The following GAP43 variants were observed in gnomAD, a reference collection of about 807,000 sequenced individuals.
The protein encoded by GAP43 is growth associated protein 43, also known as neuromodulin.
GAP43 carries 6 observed loss-of-function variants against 18.6 expected under a neutral mutation model. That is an observed-to-expected ratio of 0.32 (90% CI 0.18 to 0.64). The LOEUF is 0.64. Among genes scored for constraint, GAP43 ranks in the 30% least tolerant of loss-of-function variants. The pLI is 0.78. For synonymous variants in GAP43, 115 were observed against 111.4 expected, an observed-to-expected ratio of 1.03 and a Z score of -0.20; for missense variants, 292 against 295.5, an observed-to-expected ratio of 0.99 and a Z score of 0.09.
At chr3:115,714,941 C>T (rs1190283184) in intron 2 of GAP43, among the ~76,000 whole-genome samples, 1 of 151,940 alleles carries the variant, frequency 6.6e-6, no homozygotes, top group Admixed American at 6.6e-5. Flanking sequence ...ATACCATAAA[C>T]TAGGTGGCTT....
intron 2 of GAP43, among the ~76,000 whole-genome samples, chr3:115,690,629 T>A (rs1211932028): frequency 6.6e-6 from 1 of 151,944 alleles, no homozygotes. Flanking sequence ...ATAGAGTAGG[T>A]CCTCAATTAT....
intron 2 of GAP43, among the ~76,000 whole-genome samples, chr3:115,678,656 G>T (rs1409206056): frequency 6.6e-6 from 1 of 151,942 alleles, no homozygotes. Flanking sequence ...AAATGTGTCT[G>T]GTCAGTGAAA....
intron 2 of GAP43, among the ~76,000 whole-genome samples, chr3:115,702,526 T>A (rs1241629565): frequency 6.6e-6 from 1 of 152,098 alleles, no homozygotes; most frequent in Non-Finnish European, 1.5e-5. Flanking sequence ...TAAGAAGGTG[T>A]CAAAGCCAAA....
intron 1 of GAP43, among the ~76,000 whole-genome samples, chr3:115,653,669 T>A (rs1708548121): frequency 6.6e-6 from 1 of 152,142 alleles, no homozygotes; most frequent in Non-Finnish European, 1.5e-5. Context: ...TTCAAATCCC[T>A]CGTTCAGAGA....
In GAP43 at chr3:115,685,376, T is replaced by A. The variant is rs183767638; in HGVS notation, c.628+8766T>A. Among the ~76,000 whole-genome samples the A allele has an allele frequency of 4.5e-4, 69 of 152,326 alleles. No individual in the cohort carries two copies. In the South Asian group the frequency reaches 5.4e-3, roughly 12 times the overall value. ...GGGAAGAAATGATTTGCCAGGTTCC[T>A]TGGCTTCCTTTCCTCATCTGACACA... is the stretch of plus-strand genomic sequence containing the variant. On this transcript the variant is annotated intron_variant, in intron 2 of 2. Transcript: ENST00000305124.
At chr3:115,695,648 C>G (rs1184421701) in intron 2 of GAP43, among the ~76,000 whole-genome samples, 2 of 152,254 alleles carry the variant, frequency 1.3e-5, no homozygotes, top group East Asian at 3.9e-4. Flanking sequence ...AGTCTGTGTT[C>G]TCAACCAGAG....
At position 115,720,934 on chromosome 3, in the gene GAP43, C is replaced by A; in HGVS notation, c.*52C>A. 8.1e-7 allele frequency: 1 copy of A among 1,239,514 alleles called. No homozygotes were observed. The highest frequency in any genetic ancestry group is 1.2e-6 in the Non-Finnish European group (1 of 846,796). 76.8% of individuals were successfully genotyped at this position (1,239,514 alleles called of 1,614,324 possible). A position where few individuals can be genotyped will look rare whatever the true frequency, so the allele number is the denominator to read the frequency against. On this transcript the variant is annotated 3_prime_UTR_variant, in exon 3 of 3. Coordinates refer to ENST00000305124, the MANE Select transcript of GAP43 (RefSeq NM_002045.4). ...CCACCCTCCCCTCTCCTGAGCCTGTCTCTCCCTACCCTCTTCTCAGCTCCA... is the reference window on the plus strand; with the variant it reads ...CCACCCTCCCCTCTCCTGAGCCTGTATCTCCCTACCCTCTTCTCAGCTCCA...
At chr3:115,697,207 A>AATAAT (rs146854538) in intron 2 of GAP43, among the ~76,000 whole-genome samples, 151,208 of 151,898 alleles carry the variant, frequency 1, 75,266 homozygotes, top group Middle Eastern at 1. Context: ...TATTTATAAT[A>AATAAT]ATAAACTTCA....
chr3:115,683,375 A>G (rs189434612), intron 2 of GAP43, among the ~76,000 whole-genome samples: 44 of 152,330 alleles, frequency 2.9e-4, no homozygotes, highest in Admixed American at 2.1e-3. Context: ...GTCAATTCTA[A>G]GAAAGTTTAT....
chr3:115,629,331 T>C (rs1043806709), intron 1 of GAP43, among the ~76,000 whole-genome samples: 5 of 152,138 alleles, frequency 3.3e-5, no homozygotes, highest in African/African-American at 9.7e-5. Context: ...TTTGTTAAAA[T>C]ATAAACTCTT....
rs568547716 is a variant in GAP43 at position 115,647,761 on chromosome 3, A to C, written c.30+24042A>C. On this transcript the variant is annotated intron_variant, in intron 1 of 2. Transcript: ENST00000305124. ...AAAACAAAACAAAACAAAAAAACAA[A>C]AAAAAAAAACGGCCTGATAGGGCAA... Among the ~76,000 whole-genome samples the C allele has an allele frequency of 4.8e-5, 7 of 145,246 alleles. No individual in the cohort carries two copies. In the East Asian group the frequency reaches 1.2e-3, roughly 24 times the overall value.
intron 2 of GAP43, among the ~76,000 whole-genome samples, chr3:115,698,088 G>A (rs283388): frequency 0.98 from 65,555 of 67,008 alleles, 32,099 homozygotes; most frequent in Non-Finnish European, 1. Context: ...TATAAAATAT[G>A]TATTATATAT....
chr3:115,683,404 G>C (rs1274880182), intron 2 of GAP43, among the ~76,000 whole-genome samples: 1 of 152,150 alleles, frequency 6.6e-6, no homozygotes, highest in East Asian at 1.9e-4. Context: ...TAGAGGCCCA[G>C]AAGACAGCAA....
chr3:115,718,382 C>T (rs2107381831), intron 2 of GAP43, among the ~76,000 whole-genome samples: 2 of 152,286 alleles, frequency 1.3e-5, no homozygotes, highest in East Asian at 3.8e-4. Flanking sequence ...AGAAGGACTT[C>T]ACTGAAATAA....
intron 2 of GAP43, among the ~76,000 whole-genome samples, chr3:115,695,273 A>C (rs1009290627): frequency 8.5e-5 from 13 of 152,194 alleles, no homozygotes; most frequent in African/African-American, 3.1e-4. Context: ...CACACCCTTG[A>C]GGTGGTTCAA....
intron 2 of GAP43, among the ~76,000 whole-genome samples, chr3:115,682,422 C>T (rs149306723): frequency 6.6e-6 from 1 of 152,092 alleles, no homozygotes; most frequent in Non-Finnish European, 1.5e-5. Flanking sequence ...GAATCAGTAT[C>T]TTTTTTATAT....
chr3:115,635,737 A>G (rs1370346861), intron 1 of GAP43, among the ~76,000 whole-genome samples: 1 of 152,028 alleles, frequency 6.6e-6, no homozygotes, highest in Non-Finnish European at 1.5e-5. Flanking sequence ...AAAAAAAAAT[A>G]AGTGTGAGCA....
intron 2 of GAP43, among the ~76,000 whole-genome samples, chr3:115,681,461 C>T (rs1194936680): frequency 6.6e-6 from 1 of 152,066 alleles, no homozygotes. Flanking sequence ...GAAATACCAA[C>T]CAGGACCTTA....
chr3:115,697,194 A>C (rs1165063763), intron 2 of GAP43, among the ~76,000 whole-genome samples: 1 of 20,056 alleles, frequency 5.0e-5, no homozygotes, highest in Non-Finnish European at 9.3e-5. Context: ...CATTACATTT[A>C]TTTATTTATA....
Sources: allele counts gnomAD v4.1 joint callset (sites outside exome capture counted in the v4.1 genomes callset), GRCh38; gene constraint gnomAD v4.1.1; transcripts MANE v1.5; gene names NCBI Gene and HGNC (gene_info 2026-07-23, HGNC 2026-07-21).